SH3GL3: variants seen among roughly 807,000 people sequenced by gnomAD.
SH3GL3 encodes SH3 domain containing GRB2 like 3, endophilin A3, also known as endophilin-A3.
A neutral mutation model predicts 47.7 loss-of-function variants in SH3GL3; 33 were observed. The ratio of observed to expected loss-of-function variants is 0.69; its 90% CI spans 0.52 to 0.92. The LOEUF is 0.92. SH3GL3 is among the 40% of genes least tolerant of loss of function. The pLI is 0.00. For missense variants in SH3GL3, 363 were observed against 417.8 expected (o/e 0.87, Z 1.14); for synonymous variants, 155 against 148.8 (o/e 1.04, Z -0.30).
intron 1 of SH3GL3, among the ~76,000 whole-genome samples, chr15:83,479,241 G>T (rs2041233408): frequency 6.6e-6 from 1 of 152,176 alleles, no homozygotes. Flanking sequence ...GTTAGAGTGT[G>T]GGTTAGTATA....
chr15:83,606,425 A>G (rs2060517081), intron 8 of SH3GL3, among the ~76,000 whole-genome samples: 1 of 152,248 alleles, frequency 6.6e-6, no homozygotes, highest in African/African-American at 2.4e-5. Flanking sequence ...AAAGATGAAC[A>G]CTTTGCAAAT....
At chr15:83,491,388 G>A (rs199607237) in intron 1 of SH3GL3, among the ~76,000 whole-genome samples, 2 of 152,216 alleles carry the variant, frequency 1.3e-5, no homozygotes, top group Admixed American at 6.5e-5. Context: ...TTTAATGTTA[G>A]CATTCCCTCA....
chr15:83,548,569 G>C lies in SH3GL3; in HGVS notation c.46-10684G>C, dbSNP rs1393285209. Among the ~76,000 whole-genome samples, 12 of 152,114 alleles carry C rather than the reference G, an allele frequency of 7.9e-5. No homozygotes were observed. In the East Asian group the frequency reaches 2.1e-3, roughly 27 times the overall value. ...TTTATGAGGGATATATTCATTGACAGGGAATAGAATCTAAGATTGGTAGAT... is the reference window on the plus strand; with the variant it reads ...TTTATGAGGGATATATTCATTGACACGGAATAGAATCTAAGATTGGTAGAT... On this transcript the variant is annotated intron_variant, in intron 1 of 8. Coordinates refer to ENST00000427482, the MANE Select transcript of SH3GL3 (RefSeq NM_003027.5).
chr15:83,577,977 T>C (rs1046595965), intron 6 of SH3GL3, among the ~76,000 whole-genome samples: 1 of 152,196 alleles, frequency 6.6e-6, no homozygotes, highest in African/African-American at 2.4e-5. Flanking sequence ...ATAGCCCACA[T>C]TGAGGACACA....
intron 1 of SH3GL3, among the ~76,000 whole-genome samples, chr15:83,453,645 G>T (rs1177584523): frequency 6.9e-5 from 10 of 145,396 alleles, no homozygotes; most frequent in Non-Finnish European, 1.1e-4. Flanking sequence ...TGTGGGATCG[G>T]TGGTGATATC....
At chr15:83,514,362 T>C (rs975874189) in intron 1 of SH3GL3, among the ~76,000 whole-genome samples, 8 of 151,926 alleles carry the variant, frequency 5.3e-5, no homozygotes. Context: ...GGGCATCATA[T>C]CCACAATTTG....
chr15:83,618,068 T>G lies in SH3GL3; in HGVS notation c.839-14T>G. On this transcript the variant is annotated splice_polypyrimidine_tract_variant and intron_variant, in intron 8 of 8. Coordinates refer to ENST00000427482, the MANE Select transcript of SH3GL3 (RefSeq NM_003027.5). ...TGTTCATCTGTACTTTTTGTCTCCA[T>G]ATCATGTGGACAGGTTCTAACATTC... 1.3e-6 allele frequency: 2 copies of G among 1,572,046 alleles called. No homozygotes were observed. The highest frequency in any genetic ancestry group is 2.2e-5 in the South Asian group (2 of 90,190).
intron 1 of SH3GL3, among the ~76,000 whole-genome samples, chr15:83,554,365 T>G (rs897623254): frequency 6.6e-6 from 1 of 152,118 alleles, no homozygotes; most frequent in Non-Finnish European, 1.5e-5. Flanking sequence ...TTTTGTGTTT[T>G]TAGTAGAGAC....
chr15:83,574,020 G>A (rs552426006), intron 5 of SH3GL3, among the ~76,000 whole-genome samples: 35 of 152,332 alleles, frequency 2.3e-4, no homozygotes, highest in African/African-American at 7.9e-4. Context: ...GCTGGCTAAT[G>A]CAGACTGGGA....
At chr15:83,580,152 C>T (rs1478785492) in intron 6 of SH3GL3, among the ~76,000 whole-genome samples, 7 of 152,156 alleles carry the variant, frequency 4.6e-5, no homozygotes, top group South Asian at 2.1e-4. Context: ...AGTCACAACC[C>T]GCACGTCCAA....
At chr15:83,544,272 G>A (rs973990521) in intron 1 of SH3GL3, among the ~76,000 whole-genome samples, 1 of 151,884 alleles carries the variant, frequency 6.6e-6, no homozygotes, top group Non-Finnish European at 1.5e-5. Context: ...TGACCCACTG[G>A]TCCTTCAGTA....
chr15:83,619,876 G>A (rs879698535), downstream of SH3GL3, among the ~76,000 whole-genome samples: 1 of 152,190 alleles, frequency 6.6e-6, no homozygotes, highest in Admixed American at 6.5e-5. Flanking sequence ...CACATGCAAT[G>A]CTGCTTGATA....
intron 1 of SH3GL3, among the ~76,000 whole-genome samples, chr15:83,484,926 T>G (rs758308137): frequency 6.6e-6 from 1 of 152,220 alleles, no homozygotes; most frequent in East Asian, 1.9e-4. Context: ...AATTTAGTAG[T>G]TTTAAAGTCA....
intron 7 of SH3GL3, 44 bp downstream of exon 7, chr15:83,587,130 A>G (rs1229024561): frequency 9.8e-7 from 1 of 1,017,230 alleles, no homozygotes; most frequent in Admixed American, 2.0e-5. Flanking sequence ...CTGCGGAGGT[A>G]ACATCTATTG....
chr15:83,554,745 G>A (rs948471629), intron 1 of SH3GL3, among the ~76,000 whole-genome samples: 1 of 152,180 alleles, frequency 6.6e-6, no homozygotes, highest in African/African-American at 2.4e-5. Context: ...GGCATCTGCT[G>A]TTGCAGAAGA....
chr15:83,593,871 T>A (rs558871616), intron 8 of SH3GL3, among the ~76,000 whole-genome samples: 1 of 152,148 alleles, frequency 6.6e-6, no homozygotes, highest in South Asian at 2.1e-4. Context: ...CAGGCTGGAG[T>A]GCAGTGGCGC....
chr15:83,585,866 A>C (rs1204963141), intron 6 of SH3GL3, among the ~76,000 whole-genome samples: 2 of 152,234 alleles, frequency 1.3e-5, no homozygotes, highest in East Asian at 3.8e-4. Flanking sequence ...TAAGTGAGTA[A>C]GAAAAATTTA....
intron 3 of SH3GL3, among the ~76,000 whole-genome samples, chr15:83,567,002 T>C (rs1342835369): frequency 6.6e-6 from 1 of 152,132 alleles, no homozygotes; most frequent in Admixed American, 6.5e-5. Flanking sequence ...TAGTACAAAA[T>C]TATTAAAGTA....
chr15:83,570,283 A>C (rs1027102883), intron 4 of SH3GL3, among the ~76,000 whole-genome samples: 4 of 152,252 alleles, frequency 2.6e-5, no homozygotes, highest in African/African-American at 9.6e-5. Flanking sequence ...ATTTGAAATG[A>C]TTCTTTTATT....
Sources: allele counts gnomAD v4.1 joint callset (sites outside exome capture counted in the v4.1 genomes callset), GRCh38; gene constraint gnomAD v4.1.1; transcripts MANE v1.5; gene names NCBI Gene and HGNC (gene_info 2026-07-23, HGNC 2026-07-21).